Variants in GNB1L observed in about 807,000 individuals in gnomAD.
GNB1L encodes G protein subunit beta 1 like, also known as guanine nucleotide-binding protein subunit beta-like protein 1.
Under a neutral mutation model 29.1 loss-of-function variants are expected in GNB1L, and 20 were observed. That is an observed-to-expected ratio of 0.69 (90% CI 0.48 to 1.00). The LOEUF is 1.00. GNB1L is among the 50% of genes least tolerant of loss of function. The pLI, the probability that GNB1L is intolerant of heterozygous loss-of-function variation, is 0.00. For synonymous variants in GNB1L, 193 were observed against 206.5 expected (o/e 0.93, Z 0.56); for missense variants, 421 against 464.9 (o/e 0.91, Z 0.87).
At chr22:19,790,349 T>C (rs1937239668) in intron 7 of GNB1L, among the ~76,000 whole-genome samples, 1 of 152,224 alleles carries the variant, frequency 6.6e-6, no homozygotes, top group Admixed American at 6.5e-5. Flanking sequence ...GCTCAGCTTT[T>C]GTCCTTTGGG....
intron 2 of GNB1L, among the ~76,000 whole-genome samples, chr22:19,830,740 A>G (rs544039444): frequency 2.6e-5 from 4 of 152,356 alleles, no homozygotes; most frequent in African/African-American, 9.6e-5. Flanking sequence ...ACAGAAAAAC[A>G]TGGGGAAAAA....
intron 2 of GNB1L, chr22:19,847,353 T>A: frequency 1.0e-6 from 1 of 985,474 alleles, no homozygotes; most frequent in Non-Finnish European, 1.2e-6. Context: ...TTATTTGCCT[T>A]GCTCCTTTAT....
At chr22:19,830,498 A>G (rs1937664254) in intron 2 of GNB1L, among the ~76,000 whole-genome samples, 1 of 152,210 alleles carries the variant, frequency 6.6e-6, no homozygotes, top group South Asian at 2.1e-4. Flanking sequence ...TGAAAAACCT[A>G]CATGAAGAAA....
At chr22:19,821,519 C>T (rs976793944) in intron 2 of GNB1L, 144 bp from the exon 3 acceptor site, 1 of 786,644 alleles carries the variant, frequency 1.3e-6, no homozygotes. Flanking sequence ...GGTGCCACTG[C>T]TCCCCAGACA....
chr22:19,791,071 A>G (rs1260449472), intron 7 of GNB1L, among the ~76,000 whole-genome samples: 3 of 152,188 alleles, frequency 2.0e-5, no homozygotes, highest in Non-Finnish European at 1.5e-5. Context: ...TCTTTACAAA[A>G]AAAATTTTTT....
chr22:19,799,617 G>C (rs916323266), intron 7 of GNB1L, among the ~76,000 whole-genome samples: 11 of 152,240 alleles, frequency 7.2e-5, no homozygotes, highest in Non-Finnish European at 1.5e-4. Flanking sequence ...GCACCCGCCG[G>C]GGGGAGACTG....
At position 19,792,674 on chromosome 22, in the gene GNB1L, C is replaced by T. The variant is rs928118324; in HGVS notation, c.733-3714G>A. On this transcript the variant is annotated intron_variant, in intron 7 of 7. Transcript: ENST00000329517. ...AGAAGAAAGCTGCTGGCAAACGGGA[C>T]GTCCCCACCAAGAGACCACCTGTCC... 4.2e-5 allele frequency: 62 copies of T among 1,469,582 alleles called. No homozygotes were observed. In the South Asian group the frequency reaches 5.5e-4, roughly 13 times the overall value. 91.0% of individuals were successfully genotyped at this position (1,469,582 alleles called of 1,614,324 possible). A position where few individuals can be genotyped will look rare whatever the true frequency, so the allele number is the denominator to read the frequency against.
rs1314513392 is a variant in GNB1L at position 19,816,068 on chromosome 22, AG to A, written c.255-3622del. On this transcript the variant is annotated intron_variant, in intron 4 of 7. Coordinates refer to ENST00000329517, the MANE Select transcript of GNB1L (RefSeq NM_053004.3). This position sits in a 1 kb window ranked among gnomAD's most constrained non-coding sequence, Gnocchi z 4.4. ...CCAAGGGTGAGCCCCGACAGCCCACAGCCATCCTGGGGCGTCGTGGCCTGTG... is the reference window on the plus strand; with the variant it reads ...CCAAGGGTGAGCCCCGACAGCCCACACCATCCTGGGGCGTCGTGGCCTGTG... Among the ~76,000 whole-genome samples the A allele has an allele frequency of 6.6e-6, 1 of 152,182 alleles. No individual in the cohort carries two copies. Among genetic ancestry groups the A allele is most frequent in the Non-Finnish European group, 1.5e-5 (1 of 68,022 alleles).
intron 2 of GNB1L, among the ~76,000 whole-genome samples, chr22:19,834,715 G>A (rs1937734255): frequency 6.6e-6 from 1 of 151,602 alleles, no homozygotes; most frequent in Non-Finnish European, 1.5e-5. Context: ...TACTGCCAAA[G>A]TTCCAACAAA....
intron 2 of GNB1L, among the ~76,000 whole-genome samples, chr22:19,845,779 G>C (rs930829680): frequency 6.6e-6 from 1 of 151,570 alleles, no homozygotes; most frequent in Non-Finnish European, 1.5e-5. Context: ...CCCGAGGCCT[G>C]CACCAGGAGA....
rs762386406 is a variant in GNB1L, at chr22:19,821,279, A to G, written c.77T>C (p.Leu26Pro). 6.8e-6 allele frequency: 11 copies of G among 1,613,308 alleles called. No individual in the cohort carries two copies. The highest frequency in any genetic ancestry group is 1.7e-5 in the Admixed American group (1 of 60,000). Residue 26 changes from leucine to proline, a missense_variant, in exon 3 of 8, where the codon CTG (leucine) becomes CCG (proline). Coordinates refer to ENST00000329517, the MANE Select transcript of GNB1L (RefSeq NM_053004.3). ...AGCCTGGGCTCCTTCGCAGAAGTGC[A>G]GCGCATGCACCGGTGACTGGGTGCC... Reference protein sequence around the residue: ...LRGTQSPVHALHFCEGAQAQG... With the variant: ...LRGTQSPVHAPHFCEGAQAQG...
intron 2 of GNB1L, among the ~76,000 whole-genome samples, chr22:19,828,078 C>T: frequency 6.6e-6 from 1 of 152,286 alleles, no homozygotes; most frequent in Middle Eastern, 3.4e-3. Flanking sequence ...ACTGAAGACA[C>T]AGACAGAAAT....
Position 19,816,247 on chromosome 22 carries a change from G to T in GNB1L, c.255-3800C>A, listed in dbSNP as rs576488348. Among the ~76,000 whole-genome samples the T allele has an allele frequency of 2.0e-5, 3 of 152,204 alleles. No homozygotes were observed. Among genetic ancestry groups the T allele is most frequent in the Non-Finnish European group, 2.9e-5 (2 of 68,038 alleles). On this transcript the variant is annotated intron_variant, in intron 4 of 7. Transcript: ENST00000329517. This position sits in a 1 kb window ranked among gnomAD's most constrained non-coding sequence, Gnocchi z 4.4. ...CAGATGACACCAGTCGTCACGCTGC[G>T]AGGCACACGATGTGACCTGCCCACC...
intron 2 of GNB1L, among the ~76,000 whole-genome samples, chr22:19,821,943 C>A (rs1937582815): frequency 6.6e-6 from 1 of 152,184 alleles, no homozygotes; most frequent in South Asian, 2.1e-4. Context: ...TTGGGAGCCA[C>A]CCTCCCTCCC....
intron 6 of GNB1L, among the ~76,000 whole-genome samples, chr22:19,802,704 C>T (rs1302784047): frequency 1.3e-5 from 2 of 152,228 alleles, no homozygotes; most frequent in South Asian, 2.1e-4. Context: ...TGTCTAGAGC[C>T]GCCAGCCAGA....
chr22:19,840,161 T>C (rs1391875113), intron 2 of GNB1L, among the ~76,000 whole-genome samples: 3 of 152,120 alleles, frequency 2.0e-5, no homozygotes, highest in Non-Finnish European at 2.9e-5. Flanking sequence ...CAGACTGCAA[T>C]TGACCATGGG....
intron 2 of GNB1L, chr22:19,851,650 T>G (rs1601358458): frequency 6.3e-7 from 1 of 1,594,264 alleles, no homozygotes; most frequent in Non-Finnish European, 8.6e-7. Context: ...GAGGGGCCAC[T>G]GGCAGCTGGC....
chr22:19,817,298 T>A (rs893181900), intron 4 of GNB1L, among the ~76,000 whole-genome samples: 3 of 152,296 alleles, frequency 2.0e-5, no homozygotes, highest in Middle Eastern at 3.4e-3. Flanking sequence ...CTGGCCAACA[T>A]GGTGAAACCC....
rs1460894883 is a variant in GNB1L, at chr22:19,788,918, C to T, written c.775G>A (p.Val259Ile). 1.2e-6 allele frequency: 2 copies of T among 1,611,350 alleles called. No individual in the cohort carries two copies. Among genetic ancestry groups the T allele is most frequent in the East Asian group, 4.5e-5 (2 of 44,820 alleles). ...HELTNPGIAE[V>I]TIRPDRKILA... is the part of the protein sequence containing the mutation. Reference sequence around the variant, plus strand: ...ATCTTGCGATCTGGCCGGATCGTGACCTCGGCGATCCCGGGATTGGTGAGT... The same window carrying T: ...ATCTTGCGATCTGGCCGGATCGTGATCTCGGCGATCCCGGGATTGGTGAGT... The change falls in exon 8 of 8, where the codon GTC (valine) becomes ATC (isoleucine). Residue 259 changes from valine (V) to isoleucine (I), a missense_variant. By Grantham distance (29) the Val-to-Ile change is conservative. Coordinates refer to ENST00000329517, the MANE Select transcript of GNB1L (RefSeq NM_053004.3).
Sources: gnomAD v4.1 joint callset for allele counts (sites outside exome capture counted in the v4.1 genomes callset) on GRCh38, gnomAD v4.1.1 for gene constraint, Gnocchi (gnomAD v3.1) non-coding constraint, MANE v1.5 for transcripts, NCBI Gene and HGNC (gene_info 2026-07-23, HGNC 2026-07-21) for gene names.